Variants in FGD5 observed in about 807,000 individuals in gnomAD.
FGD5 encodes FYVE, RhoGEF and PH domain containing 5, also known as FYVE, RhoGEF and PH domain-containing protein 5.
FGD5 carries 28 observed loss-of-function variants against 133.4 expected under a neutral mutation model. That is an observed-to-expected ratio of 0.21 (90% CI 0.16 to 0.29). The LOEUF (loss-of-function observed/expected upper bound fraction) is 0.29, where lower values mean the gene tolerates loss of function less well. Ranked by LOEUF, FGD5 falls within the 10% of genes least tolerant of loss-of-function variation. FGD5 has a pLI of 1.00. For synonymous variants in FGD5, 810 were observed against 776.5 expected (o/e 1.04, Z -0.72); for missense variants, 1,858 against 1,895.2 (o/e 0.98, Z 0.36).
chr3:14,920,737 G>A lies in FGD5; in HGVS notation c.3570-1181G>A, dbSNP rs533816130. On this transcript the variant is annotated intron_variant, in intron 13 of 19. Coordinates refer to ENST00000285046, the MANE Select transcript of FGD5 (RefSeq NM_152536.4). ...CACCACCCTTAGAGCTGGGGTTTGCGGCTCCTTCCATGCATAGGGAGTTGA... is the reference window on the plus strand; with the variant it reads ...CACCACCCTTAGAGCTGGGGTTTGCAGCTCCTTCCATGCATAGGGAGTTGA... 2.2e-3 allele frequency among the ~76,000 whole-genome samples: 328 copies of A among 152,302 alleles called. 2 individuals are homozygous for A. Among genetic ancestry groups the A allele is most frequent in the Middle Eastern group, 3.4e-3 (1 of 294 alleles).
At chr3:14,853,838 TAGGCTCATTTGGAGCCTAGTCCTTTGGAA>T (rs1394002420) in intron 1 of FGD5, among the ~76,000 whole-genome samples, 1 of 87,838 alleles carries the variant, frequency 1.1e-5, no homozygotes, top group African/African-American at 4.4e-5. Flanking sequence ...CGAAAAGGAC[TAGGCTCATTTGGAGCCTAGTCCTTTGGAA>T]GGACATTTGG....
intron 1 of FGD5, among the ~76,000 whole-genome samples, chr3:14,821,814 G>T (rs1262189371): frequency 6.6e-6 from 1 of 152,140 alleles, no homozygotes; most frequent in African/African-American, 2.4e-5. Context: ...AAGAAAATCA[G>T]AGTAAGGCCG....
At chr3:14,883,829 TG>T (rs1196336245) in intron 4 of FGD5, among the ~76,000 whole-genome samples, 1 of 152,114 alleles carries the variant, frequency 6.6e-6, no homozygotes, top group African/African-American at 2.4e-5. Flanking sequence ...TGCAGGGGCA[TG>T]AGGGAGGGAA....
At position 14,922,340 on chromosome 3, in the gene FGD5, C is replaced by T; in HGVS notation, c.3670-71C>T. ...CCCTGCACAGAGACGCAGGGCAGGG[C>T]TCACTGGGCTCTGCATCTGGCTGGT... On this transcript the variant is annotated intron_variant, in intron 14 of 19. Transcript: ENST00000285046. This position sits in a 1 kb window ranked among gnomAD's most constrained non-coding sequence, Gnocchi z 4.1. 6.5e-7 allele frequency: 1 copy of T among 1,541,354 alleles called. No individual in the cohort carries two copies. Among genetic ancestry groups the T allele is most frequent in the Non-Finnish European group, 8.8e-7 (1 of 1,140,320 alleles).
chr3:14,841,356 A>G (rs2036919102), intron 1 of FGD5, among the ~76,000 whole-genome samples: 1 of 152,104 alleles, frequency 6.6e-6, no homozygotes, highest in Non-Finnish European at 1.5e-5. Context: ...AGCATTTACT[A>G]TTTCTGAGCC....
intron 4 of FGD5, among the ~76,000 whole-genome samples, chr3:14,885,479 T>C (rs989949570): frequency 6.6e-6 from 1 of 152,208 alleles, no homozygotes; most frequent in Admixed American, 6.5e-5. Flanking sequence ...GTTTGCTCTT[T>C]GATCATATAG....
chr3:14,839,933 AAAACAAACAAACAAAC>A (rs71038439), intron 1 of FGD5, among the ~76,000 whole-genome samples: 11 of 149,548 alleles, frequency 7.4e-5, no homozygotes, highest in Non-Finnish European at 1.5e-4. Flanking sequence ...ACTGTCTCAA[AAAACAAACAAACAAAC>A]AAACAAACAA....
chr3:14,858,345 G>A (rs545869670), intron 1 of FGD5, among the ~76,000 whole-genome samples: 5 of 110,704 alleles, frequency 4.5e-5, no homozygotes, highest in Non-Finnish European at 9.3e-5. Context: ...GTCCTGAAGC[G>A]GGTGGGTGGG....
chr3:14,907,811 G>A, intron 10 of FGD5, 100 bp downstream of exon 10: 2 of 1,245,974 alleles, frequency 1.6e-6, no homozygotes, highest in East Asian at 2.5e-5. Flanking sequence ...CTGGCTGCAG[G>A]TGCTGTCTAC....
chr3:14,897,096 AC>A lies in FGD5; in HGVS notation c.2749-412del, dbSNP rs2038153016. The A allele has an allele frequency of 2.1e-5, 4 of 187,450 alleles. No individual in the cohort carries two copies. The South Asian group carries it at 5.0e-4, about 23-fold the overall frequency. The allele number at this position is 187,450 out of a possible 1,614,324, so 11.6% of individuals were successfully genotyped here. A position where few individuals can be genotyped will look rare whatever the true frequency, so the allele number is the denominator to read the frequency against. ...GGGTGGATGCCTATAATTTCCTTAG[AC>A]TTCGTTTTGAAACAACATAGCTCAT... On this transcript the variant is annotated intron_variant, in intron 4 of 19. Transcript: ENST00000285046.
chr3:14,925,311 C>G (rs1251973026), intron 17 of FGD5, among the ~76,000 whole-genome samples: 1 of 151,918 alleles, frequency 6.6e-6, no homozygotes, highest in African/African-American at 2.4e-5. Flanking sequence ...CTTTTTCTAC[C>G]CAGAAGACAA....
At chr3:14,916,855 A>G (rs1167570806) in intron 11 of FGD5, among the ~76,000 whole-genome samples, 1 of 152,178 alleles carries the variant, frequency 6.6e-6, no homozygotes, top group Non-Finnish European at 1.5e-5. Context: ...TGATTTTGAG[A>G]TGCATCCACG....
intron 4 of FGD5, among the ~76,000 whole-genome samples, chr3:14,889,627 T>G (rs1575234737): frequency 2.6e-5 from 4 of 152,254 alleles, no homozygotes; most frequent in Admixed American, 2.6e-4. Context: ...CAGATAGGTT[T>G]ACAAAGAGGT....
intron 10 of FGD5, among the ~76,000 whole-genome samples, chr3:14,909,966 A>C (rs1356453915): frequency 1.3e-5 from 2 of 151,832 alleles, no homozygotes; most frequent in Non-Finnish European, 2.9e-5. Flanking sequence ...GAGTTTCACC[A>C]TATTGGCCAG....
At position 14,821,398 on chromosome 3, in the gene FGD5, A is replaced by T; in HGVS notation, c.2327A>T (p.Asn776Ile). The T allele has an allele frequency of 1.2e-6, 2 of 1,613,960 alleles. No individual in the cohort carries two copies. Among genetic ancestry groups the T allele is most frequent in the Non-Finnish European group, 1.7e-6 (2 of 1,179,882 alleles). ...FPSADTSDYE[N>I]IPAMNSDYEN... Reference sequence around the variant, plus strand: ...AGCGCTGACACTTCAGACTATGAGAACATTCCAGCCATGAACTCGGACTAT... The same window carrying T: ...AGCGCTGACACTTCAGACTATGAGATCATTCCAGCCATGAACTCGGACTAT... The change falls in exon 1 of 20, where the codon AAC (asparagine) becomes ATC (isoleucine). Residue 776 changes from asparagine (N) to isoleucine (I), a missense_variant. Physicochemically the swap from Asn to Ile is moderately radical, Grantham distance 149. This residue lies in a region of FGD5 where 1,824 missense variants were observed against 1,848.9 expected (regional missense o/e 0.99). Transcript: ENST00000285046.
chr3:14,867,076 G>A lies in FGD5; in HGVS notation c.2658+2816G>A, dbSNP rs981358129. Among the ~76,000 whole-genome samples, 6 of 152,332 alleles carry A rather than the reference G, an allele frequency of 3.9e-5. No individual in the cohort carries two copies. The East Asian group carries it at 1.2e-3, about 29-fold the overall frequency. On this transcript the variant is annotated intron_variant, in intron 2 of 19. Transcript: ENST00000285046. ...GCTTGCATTATATACCAGAATTGAA[G>A]TCAAAACCTACACTTTAATTGCACA...
chr3:14,908,767 C>A (rs929553535), intron 10 of FGD5, among the ~76,000 whole-genome samples: 4 of 151,256 alleles, frequency 2.6e-5, no homozygotes, highest in African/African-American at 4.8e-5. Context: ...GTAGTCCCAG[C>A]TACTCGGGAG....
intron 4 of FGD5, among the ~76,000 whole-genome samples, chr3:14,887,962 T>G (rs1336949097): frequency 1.3e-5 from 2 of 151,726 alleles, no homozygotes; most frequent in Non-Finnish European, 2.9e-5. Flanking sequence ...GGCCAGGAGT[T>G]TGAGACCAGC....
At chr3:14,905,356 G>T (rs946402460) in intron 9 of FGD5, among the ~76,000 whole-genome samples, 5 of 152,176 alleles carry the variant, frequency 3.3e-5, no homozygotes, top group Non-Finnish European at 7.3e-5. Flanking sequence ...CTGTGTGTGT[G>T]TGTTGTGGGG....
Sources: allele counts gnomAD v4.1 joint callset (sites outside exome capture counted in the v4.1 genomes callset), GRCh38; gene constraint gnomAD v4.1.1; regional missense constraint gnomAD v4.1.1; non-coding constraint Gnocchi (gnomAD v3.1); transcripts MANE v1.5; gene names NCBI Gene and HGNC (gene_info 2026-07-23, HGNC 2026-07-21).